HHAT: variants seen among roughly 807,000 people sequenced by gnomAD.
HHAT encodes protein-cysteine N-palmitoyltransferase HHAT.
A neutral mutation model predicts 70.8 loss-of-function variants in HHAT; 47 were observed. That is an observed-to-expected ratio of 0.66 (90% CI 0.53 to 0.85). The LOEUF (loss-of-function observed/expected upper bound fraction) is 0.85, where lower values mean the gene tolerates loss of function less well. HHAT is among the 40% of genes least tolerant of loss of function. The probability of loss-of-function intolerance (pLI) is 0.00; values close to 1 mark genes in which losing one functional copy is unlikely to be tolerated. For synonymous variants in HHAT, 228 were observed against 247.6 expected, an observed-to-expected ratio of 0.92 and a Z score of 0.74; for missense variants, 609 against 604.8, an observed-to-expected ratio of 1.01 and a Z score of -0.07.
intron 3 of HHAT, among the ~76,000 whole-genome samples, chr1:210,370,102 T>C (rs1032504078): frequency 2.6e-5 from 4 of 151,982 alleles, no homozygotes; most frequent in African/African-American, 7.3e-5. Flanking sequence ...GATCTGTTAG[T>C]TTTGCAGAGC....
At chr1:210,535,240 G>A (rs562103877) in intron 9 of HHAT, among the ~76,000 whole-genome samples, 4 of 152,206 alleles carry the variant, frequency 2.6e-5, no homozygotes, top group African/African-American at 9.6e-5. Context: ...GCCCATATCA[G>A]GCTCCAGTTC....
At chr1:210,433,243 G>A (rs1353572359) in intron 7 of HHAT, among the ~76,000 whole-genome samples, 1 of 151,760 alleles carries the variant, frequency 6.6e-6, no homozygotes, top group African/African-American at 2.4e-5. Flanking sequence ...AGCACTCACA[G>A]CGCAGGTGCT....
At chr1:210,472,398 A>C (rs558148384) in intron 8 of HHAT, among the ~76,000 whole-genome samples, 2 of 152,350 alleles carry the variant, frequency 1.3e-5, no homozygotes, top group Admixed American at 1.3e-4. Flanking sequence ...TTTGAATCCA[A>C]GCACATGGCT....
rs2093535035 is a variant in HHAT at position 210,442,307 on chromosome 1, A to G, written c.857-22198A>G. On this transcript the variant is annotated intron_variant, in intron 7 of 11. Coordinates refer to ENST00000261458, the MANE Select transcript of HHAT (RefSeq NM_018194.6). ...GCTATTGTGAATAATGCCGCAGTAA[A>G]CATACGTGTGCATGTGTCTTTATAG... Among the ~76,000 whole-genome samples the G allele has an allele frequency of 3.0e-5, 4 of 135,082 alleles. No homozygotes were observed. The South Asian group carries it at 1.1e-3, about 37-fold the overall frequency. The allele number at this position is 135,082 out of a possible 152,430, so 88.6% of individuals were successfully genotyped here.
intron 8 of HHAT, among the ~76,000 whole-genome samples, chr1:210,485,204 G>T (rs145534921): frequency 2.6e-4 from 40 of 152,262 alleles, no homozygotes; most frequent in African/African-American, 9.4e-4. Flanking sequence ...TCAAGACCTA[G>T]ATGGGAGTGA....
chr1:210,378,115 T>C (rs964539571), intron 3 of HHAT, among the ~76,000 whole-genome samples: 3 of 152,238 alleles, frequency 2.0e-5, no homozygotes, highest in African/African-American at 4.8e-5. Context: ...ATCATTAGCC[T>C]GAGTTCATTC....
intron 8 of HHAT, among the ~76,000 whole-genome samples, chr1:210,480,534 G>A (rs1388332892): frequency 1.3e-5 from 2 of 152,164 alleles, no homozygotes; most frequent in African/African-American, 4.8e-5. Context: ...ATTCCAGGAG[G>A]CACAACACCA....
At chr1:210,647,297 A>G (rs1674251590) in intron 11 of HHAT, among the ~76,000 whole-genome samples, 1 of 152,204 alleles carries the variant, frequency 6.6e-6, no homozygotes, top group Non-Finnish European at 1.5e-5. Flanking sequence ...ATTTAACTTC[A>G]TTACATCTGC....
chr1:210,401,601 C>T (rs2092078372), intron 5 of HHAT, among the ~76,000 whole-genome samples: 1 of 152,196 alleles, frequency 6.6e-6, no homozygotes, highest in African/African-American at 2.4e-5. Context: ...GGGCTCAAAC[C>T]TCACTTCTTT....
chr1:210,352,140 G>A (rs190047017), intron 2 of HHAT, among the ~76,000 whole-genome samples: 4 of 152,290 alleles, frequency 2.6e-5, no homozygotes, highest in African/African-American at 4.8e-5. Flanking sequence ...GGAACGGGGC[G>A]AGGGGTTCCT....
chr1:210,555,496 C>T (rs1464669452), intron 9 of HHAT, among the ~76,000 whole-genome samples: 1 of 152,116 alleles, frequency 6.6e-6, no homozygotes, highest in Non-Finnish European at 1.5e-5. Flanking sequence ...GAGTTGCTGC[C>T]CATCAGTGGG....
At chr1:210,670,630 C>G (rs1423640900) in intron 11 of HHAT, among the ~76,000 whole-genome samples, 4 of 152,142 alleles carry the variant, frequency 2.6e-5, no homozygotes, top group Non-Finnish European at 5.9e-5. Flanking sequence ...TCTGTCATCA[C>G]AAATCTTACT....
At chr1:210,435,831 G>A (rs901069708) in intron 7 of HHAT, among the ~76,000 whole-genome samples, 7 of 150,978 alleles carry the variant, frequency 4.6e-5, no homozygotes, top group East Asian at 1.9e-4. Context: ...TTTTGCTGTC[G>A]AGTTGTTTGA....
rs1246939746 is a variant in HHAT at position 210,550,552 on chromosome 1, C to A, written c.1044-37346C>A. On this transcript the variant is annotated intron_variant, in intron 9 of 11. Coordinates refer to ENST00000261458, the MANE Select transcript of HHAT (RefSeq NM_018194.6). Reference sequence around the variant, plus strand: ...AGGTATTCAGTTAATGTTGTTTTGACCCCCTTCTCTCCTGCAGGGGAAGAC... The same window carrying A: ...AGGTATTCAGTTAATGTTGTTTTGAACCCCTTCTCTCCTGCAGGGGAAGAC... Among the ~76,000 whole-genome samples the A allele has an allele frequency of 2.0e-5, 3 of 149,042 alleles. 1 individual carries two copies. The highest frequency in any genetic ancestry group is 4.4e-4 in the East Asian group (2 of 4,498).
intron 2 of HHAT, among the ~76,000 whole-genome samples, chr1:210,358,453 G>T (rs1382527846): frequency 6.6e-6 from 1 of 152,158 alleles, no homozygotes; most frequent in African/African-American, 2.4e-5. Flanking sequence ...TATTCCTCAA[G>T]TGGAAATTGG....
chr1:210,512,879 T>G (rs1387601678), intron 8 of HHAT, among the ~76,000 whole-genome samples: 1 of 152,134 alleles, frequency 6.6e-6, no homozygotes, highest in Non-Finnish European at 1.5e-5. Context: ...GCAGTGTTTC[T>G]GCACCAGAAT....
At chr1:210,546,261 G>A (rs1232300825) in intron 9 of HHAT, among the ~76,000 whole-genome samples, 1 of 152,234 alleles carries the variant, frequency 6.6e-6, no homozygotes, top group South Asian at 2.1e-4. Context: ...ACCTGAATGT[G>A]ATGTATTTGA....
intron 9 of HHAT, among the ~76,000 whole-genome samples, chr1:210,560,886 T>C (rs1017269306): frequency 6.6e-6 from 1 of 150,834 alleles, no homozygotes; most frequent in Non-Finnish European, 1.5e-5. Context: ...TTTTTTCCTC[T>C]TTCTTTTTGA....
rs758486076 is a variant in HHAT, at chr1:210,404,688, C to T, written c.684+9C>T. 5.7e-5 allele frequency: 92 copies of T among 1,605,002 alleles called. No individual in the cohort carries two copies. The Admixed American group carries it at 1.3e-3, about 22-fold the overall frequency. On this transcript the variant is annotated intron_variant, in intron 6 of 11. Coordinates refer to ENST00000261458, the MANE Select transcript of HHAT (RefSeq NM_018194.6). ...CGGAGTTCATCAAACAGGTAGAGCCCGCTGGGGATGGGATTGGGATTCTAT... is the reference window on the plus strand; with the variant it reads ...CGGAGTTCATCAAACAGGTAGAGCCTGCTGGGGATGGGATTGGGATTCTAT...
Sources: gnomAD v4.1 joint callset for allele counts (sites outside exome capture counted in the v4.1 genomes callset) on GRCh38, gnomAD v4.1.1 for gene constraint, MANE v1.5 for transcripts, NCBI Gene and HGNC (gene_info 2026-07-23, HGNC 2026-07-21) for gene names.